The following PNLIP variants were observed in gnomAD, a reference collection of about 807,000 sequenced individuals.
The protein encoded by PNLIP is pancreatic triacylglycerol lipase.
A neutral mutation model predicts 57.1 loss-of-function variants in PNLIP; 49 were observed. The ratio of observed to expected loss-of-function variants is 0.86; its 90% CI spans 0.68 to 1.09. PNLIP has a LOEUF of 1.09. Among genes scored for constraint, PNLIP ranks in the 50% least tolerant of loss-of-function variants. The pLI is 0.00. For missense variants in PNLIP, 503 were observed against 570.2 expected (o/e 0.88, Z 1.20); for synonymous variants, 209 against 200.4 (o/e 1.04, Z -0.36).
chr10:116,557,483 G>A (rs761167635), intron 9 of PNLIP, among the ~76,000 whole-genome samples: 5 of 152,132 alleles, frequency 3.3e-5, no homozygotes, highest in Admixed American at 6.6e-5. Flanking sequence ...GGCTCCTTTC[G>A]ACTCTGGGTA....
intron 6 of PNLIP, among the ~76,000 whole-genome samples, chr10:116,554,358 T>C (rs1847229305): frequency 6.6e-6 from 1 of 152,214 alleles, no homozygotes; most frequent in Non-Finnish European, 1.5e-5. Flanking sequence ...TAGCAATTGC[T>C]AATGTGCTTA....
intron 8 of PNLIP, 116 bp downstream of exon 8, chr10:116,555,623 CT>C: frequency 1.7e-6 from 2 of 1,161,126 alleles, no homozygotes; most frequent in Non-Finnish European, 2.4e-6. Flanking sequence ...TAACAAAAGA[CT>C]TTTAATTGTA....
In PNLIP at chr10:116,557,795, A is replaced by G. The variant is rs114211222; in HGVS notation, c.931-1359A>G. On this transcript the variant is annotated intron_variant, in intron 9 of 12. Coordinates refer to ENST00000369221, the MANE Select transcript of PNLIP (RefSeq NM_000936.4). The stretch of plus-strand genomic sequence containing the variant: ...TCCTCCCTCTCCATCTCTTTTTCCC[A>G]GAAGTCCTTGGTCCAGAAATAAGGG... Among the ~76,000 whole-genome samples the G allele has an allele frequency of 2.8e-3, 425 of 152,212 alleles. 2 individuals are homozygous for G. Among genetic ancestry groups the G allele is most frequent in the African/African-American group, 9.7e-3 (403 of 41,554 alleles).
chr10:116,566,874 T>G (rs1018221422), intron 12 of PNLIP, among the ~76,000 whole-genome samples: 1 of 152,188 alleles, frequency 6.6e-6, no homozygotes, highest in Non-Finnish European at 1.5e-5. Flanking sequence ...TCTGAGCACT[T>G]TTTTTCTGTT....
intron 4 of PNLIP, among the ~76,000 whole-genome samples, chr10:116,550,309 C>T (rs1455642416): frequency 2.0e-5 from 3 of 151,556 alleles, no homozygotes; most frequent in South Asian, 2.1e-4. Context: ...CCACCTGCCT[C>T]GGCCTCCCAA....
chr10:116,546,366 C>A (rs530462767), intron 2 of PNLIP, among the ~76,000 whole-genome samples: 59 of 152,292 alleles, frequency 3.9e-4, no homozygotes, highest in Non-Finnish European at 6.9e-4. Flanking sequence ...TTCCCACAAA[C>A]AACAAATATG....
chr10:116,552,607 C>T (rs990470469), intron 5 of PNLIP, among the ~76,000 whole-genome samples: 2 of 152,142 alleles, frequency 1.3e-5, no homozygotes, highest in Non-Finnish European at 2.9e-5. Flanking sequence ...AAAATTGTGG[C>T]CTGGCACGGT....
chr10:116,559,079 C>G, intron 9 of PNLIP, 75 bp from the exon 10 acceptor site: 5 of 1,536,376 alleles, frequency 3.3e-6, no homozygotes, highest in Non-Finnish European at 3.5e-6. Flanking sequence ...ATTTGAATGG[C>G]GACAACATGT....
intron 4 of PNLIP, among the ~76,000 whole-genome samples, chr10:116,549,290 A>C (rs992654164): frequency 2.0e-5 from 3 of 152,188 alleles, no homozygotes; most frequent in Admixed American, 6.5e-5. Context: ...ATACTGGCTA[A>C]CACGGTGAAA....
At chr10:116,548,943 T>G (rs1847159405) in intron 4 of PNLIP, among the ~76,000 whole-genome samples, 1 of 152,238 alleles carries the variant, frequency 6.6e-6, no homozygotes, top group South Asian at 2.1e-4. Context: ...TTTTCATTTT[T>G]GGCTTCTGTT....
Position 116,567,583 on chromosome 10 carries a change from G to C in PNLIP, c.1335-152G>C, listed in dbSNP as rs578034155. The stretch of plus-strand genomic sequence containing the variant: ...AAAGGAGAATTCAGTCCTTTATGTA[G>C]AAGAGGTCTTCCCTCAGCCATTGTC... On this transcript the variant is annotated intron_variant, in intron 12 of 12. Coordinates refer to ENST00000369221, the MANE Select transcript of PNLIP (RefSeq NM_000936.4). 9.0e-6 allele frequency: 6 copies of C among 664,068 alleles called. No homozygotes were observed. In the Admixed American group the frequency reaches 1.3e-4, roughly 15 times the overall value. The allele number at this position is 664,068 out of a possible 1,614,324, so 41.1% of individuals were successfully genotyped here. A position where few individuals can be genotyped will look rare whatever the true frequency, so the allele number is the denominator to read the frequency against.
At chr10:116,547,863 G>A (rs1396255833) in intron 3 of PNLIP, among the ~76,000 whole-genome samples, 1 of 151,880 alleles carries the variant, frequency 6.6e-6, no homozygotes, top group African/African-American at 2.4e-5. Flanking sequence ...AGGGCACTGA[G>A]CTTAGGTATT....
chr10:116,551,301 A>C, intron 5 of PNLIP, 69 bp downstream of exon 5: 2 of 1,180,572 alleles, frequency 1.7e-6, no homozygotes, highest in Non-Finnish European at 2.3e-6. Flanking sequence ...AAAAAAAAAA[A>C]AAAAAGCCTG....
intron 12 of PNLIP, 92 bp from the exon 13 acceptor site, chr10:116,567,643 C>T (rs1228604021): frequency 9.8e-7 from 1 of 1,025,252 alleles, no homozygotes; most frequent in Non-Finnish European, 1.5e-6. Context: ...TTCCCTCAGA[C>T]TAGGAGGTTG....
chr10:116,566,299 G>T (rs1336166931), intron 12 of PNLIP, among the ~76,000 whole-genome samples: 17 of 152,144 alleles, frequency 1.1e-4, no homozygotes, highest in Admixed American at 1.1e-3. Flanking sequence ...TGAATGAAAA[G>T]CTAGACAAGA....
At chr10:116,560,276 T>TACACACACAC (rs71301597) in intron 10 of PNLIP, 140 bp from the exon 11 acceptor site, 110 of 425,204 alleles carry the variant, frequency 2.6e-4, no homozygotes, top group African/African-American at 2.1e-3. Context: ...ATTAGAAAAT[T>TACACACACAC]ACACACACAC....
chr10:116,555,504 G>A lies in PNLIP; in HGVS notation c.808G>A (p.Glu270Lys), dbSNP rs370302522. Residue 270 changes from glutamate to lysine, a missense_variant, in exon 8 of 13, where the codon GAA (glutamate) becomes AAA (lysine). Coordinates refer to ENST00000369221, the MANE Select transcript of PNLIP (RefSeq NM_000936.4). ...SQIVDIDGIW[E>K]GTRDFAACNH... Reference sequence around the variant, plus strand: ...GATTGTGGACATAGACGGAATCTGGGAAGGTAGAACTATTATGTGTAGAAA... The same window carrying A: ...GATTGTGGACATAGACGGAATCTGGAAAGGTAGAACTATTATGTGTAGAAA... The A allele has an allele frequency of 3.1e-6, 5 of 1,614,038 alleles. No individual in the cohort carries two copies. Among genetic ancestry groups the A allele is most frequent in the Non-Finnish European group, 4.2e-6 (5 of 1,179,962 alleles).
chr10:116,552,653 G>A (rs944868988), intron 5 of PNLIP, among the ~76,000 whole-genome samples: 2 of 152,116 alleles, frequency 1.3e-5, no homozygotes, highest in South Asian at 2.1e-4. Context: ...TTGGGAGGCC[G>A]AGGCGGGCGG....
rs1330890360 is a variant in PNLIP at position 116,555,438 on chromosome 10, G to A, written c.742G>A (p.Gly248Arg). The A allele has an allele frequency of 6.2e-7, 1 of 1,614,054 alleles. No homozygotes were observed. ...VGHLDFFPNG[G>R]VEMPGCKKNI... is the part of the protein sequence containing the mutation. ...CCACCTAGATTTCTTTCCAAATGGAGGAGTGGAAATGCCTGGATGTAAAAA... is the reference window on the plus strand; with the variant it reads ...CCACCTAGATTTCTTTCCAAATGGAAGAGTGGAAATGCCTGGATGTAAAAA... Residue 248 changes from glycine (G) to arginine (R), a missense_variant, in exon 8 of 13, where the codon GGA becomes AGA. Gly to Arg is a moderately radical substitution (Grantham distance 125). Transcript: ENST00000369221.
Sources: allele counts gnomAD v4.1 joint callset (sites outside exome capture counted in the v4.1 genomes callset), GRCh38; gene constraint gnomAD v4.1.1; transcripts MANE v1.5; gene names NCBI Gene and HGNC (gene_info 2026-07-23, HGNC 2026-07-21).